Variants in DLGAP4 observed in about 807,000 individuals in gnomAD.
The protein encoded by DLGAP4 is disks large-associated protein 4.
In DLGAP4, 18 loss-of-function variants were observed where a neutral mutation model predicts 86.9. That is an observed-to-expected ratio of 0.21 (90% CI 0.14 to 0.31). The LOEUF is 0.31. Ranked by LOEUF, DLGAP4 falls within the 10% of genes least tolerant of loss-of-function variation. DLGAP4 has a pLI of 1.00. For synonymous variants in DLGAP4, 548 were observed against 574.3 expected (o/e 0.95, Z 0.65); for missense variants, 1,085 against 1,362.6 (o/e 0.80, Z 3.21).
chr20:36,458,999 C>G (rs1373718652), intron 7 of DLGAP4, among the ~76,000 whole-genome samples: 1 of 152,198 alleles, frequency 6.6e-6, no homozygotes, highest in Non-Finnish European at 1.5e-5. Flanking sequence ...CCTCTAACTG[C>G]CAGTTCTGGC....
At chr20:36,368,599 G>A (rs1175350428) in intron 2 of DLGAP4, among the ~76,000 whole-genome samples, 1 of 152,208 alleles carries the variant, frequency 6.6e-6, no homozygotes, top group Non-Finnish European at 1.5e-5. Flanking sequence ...GCTGCAAATA[G>A]CCGTTGCTTT....
rs1248544918 is a variant in DLGAP4 at position 36,431,009 on chromosome 20, C to T, written c.-72-637C>T. 6.6e-6 allele frequency among the ~76,000 whole-genome samples: 1 copy of T among 151,934 alleles called. No individual in the cohort carries two copies. The highest frequency in any genetic ancestry group is 6.6e-5 in the Admixed American group (1 of 15,230). ...GGCCCTCTAAAAGTCCATGTTTTTC[C>T]CCATAAGGCAAGGAGAGTTCAGGAG... On this transcript the variant is annotated intron_variant, in intron 2 of 12. Transcript: ENST00000339266. This position sits in a 1 kb window ranked among gnomAD's most constrained non-coding sequence, Gnocchi z 5.1.
At chr20:36,342,014 C>T (rs1173494787) in intron 1 of DLGAP4, among the ~76,000 whole-genome samples, 8 of 152,132 alleles carry the variant, frequency 5.3e-5, no homozygotes, top group Non-Finnish European at 1.2e-4. Context: ...ATCGGGGTGT[C>T]GGGGACAAGA....
intron 1 of DLGAP4, among the ~76,000 whole-genome samples, chr20:36,341,887 G>T (rs2065386679): frequency 6.6e-6 from 1 of 152,210 alleles, no homozygotes; most frequent in Non-Finnish European, 1.5e-5. Flanking sequence ...CACCACCACA[G>T]CCTCCCGCCT....
intron 7 of DLGAP4, among the ~76,000 whole-genome samples, chr20:36,483,713 TGA>T (rs952291384): frequency 2.0e-5 from 3 of 152,142 alleles, no homozygotes; most frequent in African/African-American, 4.8e-5. Flanking sequence ...GTGTTCCTGG[TGA>T]GAGAGTCAGA....
Position 36,350,375 on chromosome 20 carries a change from C to A in DLGAP4, c.-303-16670C>A, listed in dbSNP as rs564813337. ...TGGGTGGGGCAGTGGGGTCCTGTGA[C>A]CTTATCCATCCACCTGGCCCTGAGG... On this transcript the variant is annotated intron_variant, in intron 1 of 12. Transcript: ENST00000339266. The surrounding 1 kb of genome is among the most constrained non-coding windows in gnomAD (Gnocchi z 4.4). Among the ~76,000 whole-genome samples, 34 of 152,178 alleles carry A rather than the reference C, an allele frequency of 2.2e-4. No individual in the cohort carries two copies. Among genetic ancestry groups the A allele is most frequent in the Non-Finnish European group, 4.6e-4 (31 of 68,030 alleles).
chr20:36,453,293 A>C (rs1187531832), intron 7 of DLGAP4, among the ~76,000 whole-genome samples: 3 of 152,186 alleles, frequency 2.0e-5, no homozygotes, highest in Non-Finnish European at 4.4e-5. Flanking sequence ...CCATCTCTAC[A>C]AAAAATTTTT....
chr20:36,400,057 G>A (rs900868341), intron 2 of DLGAP4, among the ~76,000 whole-genome samples: 3 of 152,194 alleles, frequency 2.0e-5, no homozygotes, highest in Non-Finnish European at 2.9e-5. Context: ...CAAAAATAAC[G>A]AAACTGAAAC....
chr20:36,439,666 C>G (rs542001830), intron 4 of DLGAP4, 88 bp from the exon 5 acceptor site: 3 of 1,136,968 alleles, frequency 2.6e-6, no homozygotes, highest in Non-Finnish European at 3.8e-6. Context: ...AGGTGTGGAC[C>G]ACCTGTGCAT....
At chr20:36,364,883 C>T (rs2030630578) in intron 1 of DLGAP4, among the ~76,000 whole-genome samples, 1 of 152,082 alleles carries the variant, frequency 6.6e-6, no homozygotes. Context: ...TCACTTGAGG[C>T]CAGGAGTTCG....
At chr20:36,521,128 T>G (rs1166872661) in intron 10 of DLGAP4, among the ~76,000 whole-genome samples, 2 of 152,206 alleles carry the variant, frequency 1.3e-5, no homozygotes, top group Non-Finnish European at 2.9e-5. Context: ...CTATTTTTTG[T>G]ATTTTTAGTA....
At chr20:36,319,649 G>C (rs2065146148) in intron 1 of DLGAP4, among the ~76,000 whole-genome samples, 1 of 152,170 alleles carries the variant, frequency 6.6e-6, no homozygotes, top group Admixed American at 6.5e-5. Flanking sequence ...ACAGATGACT[G>C]GTCCAAAGAC....
chr20:36,484,715 G>A (rs1600626999), intron 7 of DLGAP4, among the ~76,000 whole-genome samples: 3 of 152,378 alleles, frequency 2.0e-5, no homozygotes. Flanking sequence ...TTTCCGAGAG[G>A]AGGCTCTGAT....
chr20:36,495,013 A>G (rs1343764281), intron 7 of DLGAP4, among the ~76,000 whole-genome samples: 1 of 55,966 alleles, frequency 1.8e-5, no homozygotes, highest in Admixed American at 2.7e-4. Flanking sequence ...TTTTTTTGAG[A>G]CGGAATTTCG....
At chr20:36,382,858 T>C (rs1455859202) in intron 2 of DLGAP4, among the ~76,000 whole-genome samples, 1 of 152,020 alleles carries the variant, frequency 6.6e-6, no homozygotes, top group Admixed American at 6.5e-5. Context: ...GCAAAATGGG[T>C]ATAATTGTCC....
chr20:36,438,615 C>T (rs1362307810), intron 4 of DLGAP4, among the ~76,000 whole-genome samples: 2 of 150,718 alleles, frequency 1.3e-5, no homozygotes, highest in Non-Finnish European at 2.9e-5. Context: ...TGGTGGTGAA[C>T]TCCTCCGCTC....
chr20:36,517,144 C>T (rs1376543203), intron 10 of DLGAP4, among the ~76,000 whole-genome samples: 1 of 151,182 alleles, frequency 6.6e-6, no homozygotes, highest in Admixed American at 6.6e-5. Flanking sequence ...TTTCGGAGGC[C>T]GAGGTGGGCA....
chr20:36,353,166 C>G (rs11906472), intron 1 of DLGAP4, among the ~76,000 whole-genome samples: 6,808 of 152,188 alleles, frequency 0.045, 497 homozygotes, highest in African/African-American at 0.15. Flanking sequence ...GCCAGGGGTA[C>G]CCGACGAGCT....
chr20:36,362,180 A>C (rs1275348954), intron 1 of DLGAP4, among the ~76,000 whole-genome samples: 3 of 151,998 alleles, frequency 2.0e-5, no homozygotes, highest in African/African-American at 7.3e-5. Flanking sequence ...GAATTGCTTG[A>C]AACTGGGGGG....
Sources: gnomAD v4.1 joint callset for allele counts (sites outside exome capture counted in the v4.1 genomes callset) on GRCh38, gnomAD v4.1.1 for gene constraint, Gnocchi (gnomAD v3.1) non-coding constraint, MANE v1.5 for transcripts, NCBI Gene and HGNC (gene_info 2026-07-23, HGNC 2026-07-21) for gene names.